ANKIB1: variants seen among roughly 807,000 people sequenced by gnomAD.
The protein encoded by ANKIB1 is ankyrin repeat and IBR domain-containing protein 1.
A neutral mutation model predicts 122.1 loss-of-function variants in ANKIB1; 43 were observed. That is an observed-to-expected ratio of 0.35 (90% CI 0.28 to 0.45). The LOEUF (loss-of-function observed/expected upper bound fraction) is 0.45, where lower values mean the gene tolerates loss of function less well. Ranked by LOEUF, ANKIB1 falls within the 20% of genes least tolerant of loss-of-function variation. The probability of loss-of-function intolerance (pLI) is 1.00; values close to 1 mark genes in which losing one functional copy is unlikely to be tolerated. For missense variants in ANKIB1, 992 were observed against 1,329.5 expected (o/e 0.75, Z 3.95); for synonymous variants, 390 against 442.0 (o/e 0.88, Z 1.48).
At chr7:92,379,297 C>G (rs1295997049) in intron 11 of ANKIB1, among the ~76,000 whole-genome samples, 1 of 152,062 alleles carries the variant, frequency 6.6e-6, no homozygotes, top group Non-Finnish European at 1.5e-5. Flanking sequence ...GAGGCTGAGG[C>G]AGGAGAATGG....
chr7:92,294,813 G>C, intron 1 of ANKIB1, 76 bp from the exon 2 acceptor site: 1 of 511,772 alleles, frequency 2.0e-6, no homozygotes, highest in East Asian at 3.1e-5. Flanking sequence ...ATTTTTTTTA[G>C]TGTTCCTAAT....
intron 1 of ANKIB1, among the ~76,000 whole-genome samples, chr7:92,260,997 C>G (rs980426941): frequency 1.7e-4 from 26 of 151,994 alleles, no homozygotes; most frequent in Non-Finnish European, 3.7e-4. Context: ...AACATTTACT[C>G]TGCTTTCCTT....
Position 92,343,106 on chromosome 7 carries a change from TCCA to T in ANKIB1, c.877_879del (p.Pro293del), listed in dbSNP as rs1803469230. ...AACGATCAGGTGTTCAAATGCCAACTCCACCACCAAGTGGGTATAATGCCTGGG... is the reference window on the plus strand; with the variant it reads ...AACGATCAGGTGTTCAAATGCCAACTCCACCAAGTGGGTATAATGCCTGGG... On this transcript the variant is annotated inframe_deletion, in exon 6 of 20. Coordinates refer to ENST00000265742, the MANE Select transcript of ANKIB1 (RefSeq NM_019004.2). 1 of 1,613,970 alleles carries T rather than the reference TCCA, an allele frequency of 6.2e-7. No individual in the cohort carries two copies. The highest frequency in any genetic ancestry group is 8.5e-7 in the Non-Finnish European group (1 of 1,179,868).
chr7:92,308,931 A>G (rs925900033), intron 3 of ANKIB1, among the ~76,000 whole-genome samples: 11 of 152,206 alleles, frequency 7.2e-5, no homozygotes, highest in African/African-American at 2.7e-4. Context: ...TAAAATATAT[A>G]CCTGAAAATT....
intron 1 of ANKIB1, among the ~76,000 whole-genome samples, chr7:92,250,644 A>T (rs1244849133): frequency 1.3e-5 from 2 of 152,176 alleles, no homozygotes; most frequent in East Asian, 3.9e-4. Flanking sequence ...AGCTTTTAAA[A>T]TTTTTGAGTT....
chr7:92,309,753 C>T (rs1183901967), intron 3 of ANKIB1, among the ~76,000 whole-genome samples: 7 of 150,514 alleles, frequency 4.7e-5, no homozygotes, highest in Admixed American at 6.6e-5. Context: ...GGTGAAACCC[C>T]GTCTCTACTA....
chr7:92,352,621 GA>G lies in ANKIB1; in HGVS notation c.1380del (p.Gly461AspfsTer28). Reference sequence around the variant, plus strand: ...CTGAGAGCTCCTGCTGTTGATTGTGGAAAAGGACACCTCTTCTGCTGGTTAG... The same window carrying G: ...CTGAGAGCTCCTGCTGTTGATTGTGGAAAGGACACCTCTTCTGCTGGTTAG... Reference protein sequence around the residue: ...PLLRAPAVDCGKGHLFCWECL... With the variant: ...PLLRAPAVDCXKGHLFCWECL... On this transcript the variant is annotated frameshift_variant, in exon 9 of 20. Transcript: ENST00000265742. LOFTEE classifies it high-confidence loss of function. The G allele has an allele frequency of 6.2e-7, 1 of 1,610,530 alleles. No individual in the cohort carries two copies. The highest frequency in any genetic ancestry group is 8.5e-7 in the Non-Finnish European group (1 of 1,179,182).
At chr7:92,397,938 C>T (rs2115731142) in intron 19 of ANKIB1, 79 bp downstream of exon 19, 7 of 1,501,658 alleles carry the variant, frequency 4.7e-6, no homozygotes, top group Admixed American at 2.4e-5. Context: ...TTACTTTCAT[C>T]GCTTTCCTAT....
intron 1 of ANKIB1, among the ~76,000 whole-genome samples, chr7:92,277,662 A>G (rs1337746010): frequency 2.0e-5 from 3 of 152,188 alleles, no homozygotes; most frequent in Non-Finnish European, 4.4e-5. Flanking sequence ...GTGAAAGTGC[A>G]GGGAGTGGGC....
intron 10 of ANKIB1, 57 bp downstream of exon 10, chr7:92,362,330 A>G (rs1803969860): frequency 1.4e-6 from 2 of 1,441,298 alleles, no homozygotes; most frequent in South Asian, 1.2e-5. Context: ...TCAAAAGATA[A>G]TGTGGTCATA....
intron 1 of ANKIB1, among the ~76,000 whole-genome samples, chr7:92,263,688 A>G (rs530096767): frequency 2.0e-5 from 3 of 152,336 alleles, no homozygotes; most frequent in South Asian, 2.1e-4. Flanking sequence ...ACACCGAAGT[A>G]TGATAGATTG....
In ANKIB1 at chr7:92,389,982, T is replaced by C; in HGVS notation, c.1918T>C (p.Cys640Arg). Residue 640 changes from cysteine (C) to arginine (R), a missense_variant, in exon 15 of 20, where the codon TGT becomes CGT. By Grantham distance (180) the Cys-to-Arg change is radical. Coordinates refer to ENST00000265742, the MANE Select transcript of ANKIB1 (RefSeq NM_019004.2). The stretch of plus-strand genomic sequence containing the variant: ...CAATTACTTTTTAGCTGAAGGAGGC[T>C]GTCCAGATACCACTTTCATTGAAGA... The part of the protein sequence containing the change: ...SRALKETEGG[C>R]PDTTFIEDAV... 1 of 1,594,902 alleles carries C rather than the reference T, an allele frequency of 6.3e-7. No homozygotes were observed. Among genetic ancestry groups the C allele is most frequent in the East Asian group, 2.3e-5 (1 of 43,724 alleles).
intron 1 of ANKIB1, among the ~76,000 whole-genome samples, chr7:92,283,851 A>G (rs1040463926): frequency 9.9e-5 from 15 of 152,092 alleles, no homozygotes; most frequent in African/African-American, 2.9e-4. Flanking sequence ...GCTCACTGCA[A>G]CCTCCGTCTC....
At chr7:92,290,489 C>G (rs1802224263) in intron 1 of ANKIB1, among the ~76,000 whole-genome samples, 1 of 150,956 alleles carries the variant, frequency 6.6e-6, no homozygotes, top group Non-Finnish European at 1.5e-5. Context: ...TTGTTATTAT[C>G]AATAGTGCAG....
intron 3 of ANKIB1, among the ~76,000 whole-genome samples, chr7:92,309,403 C>T (rs760939685): frequency 7.9e-5 from 12 of 152,054 alleles, no homozygotes; most frequent in African/African-American, 2.2e-4. Flanking sequence ...TGTTTTCTAA[C>T]GTTGATTCAC....
chr7:92,247,636 T>C (rs1478220900), intron 1 of ANKIB1, among the ~76,000 whole-genome samples: 1 of 152,240 alleles, frequency 6.6e-6, no homozygotes, highest in Admixed American at 6.5e-5. Context: ...TGCAGAACTT[T>C]CCAGAAATTA....
intron 5 of ANKIB1, among the ~76,000 whole-genome samples, chr7:92,341,199 A>AT (rs1350823661): frequency 8.6e-5 from 13 of 151,652 alleles, no homozygotes; most frequent in Non-Finnish European, 1.8e-4. Flanking sequence ...AGTCCCAGCT[A>AT]TTTGGGAGGC....
intron 14 of ANKIB1, among the ~76,000 whole-genome samples, chr7:92,388,310 G>A (rs895200198): frequency 5.3e-5 from 8 of 152,198 alleles, no homozygotes; most frequent in Non-Finnish European, 1.0e-4. Context: ...CTGTGTCACT[G>A]CTGATGCTCT....
rs999682206 is a variant in ANKIB1 at position 92,269,800 on chromosome 7, T to A, written c.-91+23281T>A. Among the ~76,000 whole-genome samples, 4 of 152,228 alleles carry A rather than the reference T, an allele frequency of 2.6e-5. 1 individual carries two copies. On this transcript the variant is annotated intron_variant, in intron 1 of 19. Coordinates refer to ENST00000265742, the MANE Select transcript of ANKIB1 (RefSeq NM_019004.2). ...TAATACAGTTTCTGGTCTTTTTTTT[T>A]TTAAAAAAAATTATACTTTAAGTTC... is the stretch of plus-strand genomic sequence containing the variant.
Sources: gnomAD v4.1 joint callset for allele counts (sites outside exome capture counted in the v4.1 genomes callset) on GRCh38, gnomAD v4.1.1 for gene constraint, MANE v1.5 for transcripts, NCBI Gene and HGNC (gene_info 2026-07-23, HGNC 2026-07-21) for gene names.